The following PPP2R2B variants were observed in gnomAD, a reference collection of about 807,000 sequenced individuals.
The protein encoded by PPP2R2B is protein phosphatase 2 regulatory subunit Bbeta.
Under a neutral mutation model 46.0 loss-of-function variants are expected in PPP2R2B, and 5 were observed. The ratio of observed to expected loss-of-function variants is 0.11; its 90% confidence interval spans 0.06 to 0.23. The LOEUF (loss-of-function observed/expected upper bound fraction) is 0.23. Among genes scored for constraint, PPP2R2B ranks in the 10% least tolerant of loss-of-function variants. PPP2R2B has a pLI of 1.00. For synonymous variants in PPP2R2B, 215 were observed against 206.7 expected, an observed-to-expected ratio of 1.04 and a Z score of -0.34; for missense variants, 367 against 575.0, an observed-to-expected ratio of 0.64 and a Z score of 3.70.
Position 146,776,547 on chromosome 5 carries a change from T to C in PPP2R2B, c.71-75405A>G, listed in dbSNP as rs1755193617. 5.3e-5 allele frequency among the ~76,000 whole-genome samples: 8 copies of C among 152,222 alleles called. No homozygotes were observed. In the South Asian group the frequency reaches 1.7e-3, roughly 32 times the overall value. On this transcript the variant is annotated intron_variant, in intron 2 of 9. Coordinates refer to ENST00000394411, the MANE Select transcript of PPP2R2B (RefSeq NM_181675.4). Reference sequence around the variant, plus strand: ...TTTAAGAGCTGAAACTATAAAACTGTTGCAAGAAAATATAATGGCAAATGT... The same window carrying C: ...TTTAAGAGCTGAAACTATAAAACTGCTGCAAGAAAATATAATGGCAAATGT...
At chr5:147,001,489 A>G (rs532864740) in intron 1 of PPP2R2B, among the ~76,000 whole-genome samples, 2 of 152,240 alleles carry the variant, frequency 1.3e-5, no homozygotes, top group South Asian at 4.2e-4. Context: ...CACCAGAAGG[A>G]AGAAACTCTG....
intron 1 of PPP2R2B, among the ~76,000 whole-genome samples, chr5:147,007,708 T>C (rs577884189): frequency 1.3e-5 from 2 of 152,294 alleles, no homozygotes; most frequent in South Asian, 2.1e-4. Flanking sequence ...AGCAAGATGA[T>C]GAACCCACCA....
At chr5:146,592,083 CT>C in intron 9 of PPP2R2B, 2 of 437,016 alleles carry the variant, frequency 4.6e-6, no homozygotes, top group Admixed American at 2.5e-5. Flanking sequence ...GGGCTGGCTT[CT>C]TTTTCCCATG....
At chr5:146,803,307 T>C (rs2151307918) in intron 2 of PPP2R2B, among the ~76,000 whole-genome samples, 1 of 152,266 alleles carries the variant, frequency 6.6e-6, no homozygotes, top group South Asian at 2.1e-4. Context: ...CCCCAGCAAA[T>C]GCCTCATGTC....
intron 5 of PPP2R2B, among the ~76,000 whole-genome samples, chr5:146,658,384 A>G (rs912895440): frequency 6.6e-6 from 1 of 152,228 alleles, no homozygotes; most frequent in East Asian, 1.9e-4. Flanking sequence ...AACAGCCTTC[A>G]TGACTTTTTA....
chr5:146,945,868 A>G (rs1325786784), intron 1 of PPP2R2B, among the ~76,000 whole-genome samples: 4 of 152,160 alleles, frequency 2.6e-5, no homozygotes, highest in Non-Finnish European at 5.9e-5. Flanking sequence ...CACGTGTCAG[A>G]TCTTTCTAAT....
Position 147,000,657 on chromosome 5 carries a change from G to GT in PPP2R2B, c.79+55007_79+55008insA, listed in dbSNP as rs531085315. Among the ~76,000 whole-genome samples, 160 of 79,908 alleles carry GT rather than the reference G, an allele frequency of 2.0e-3. 2 individuals carry two copies. In the East Asian group the frequency reaches 0.06, roughly 30 times the overall value. 52.4% of individuals were successfully genotyped at this position (79,908 alleles called of 152,430 possible). A position where few individuals can be genotyped will look rare whatever the true frequency, so the allele number is the denominator to read the frequency against. On this transcript the variant is annotated intron_variant, in intron 1 of 8. Transcript: ENST00000336640. ...TTAGGTTGGTGCAAAAGTAATTGTG[G>GT]ATTTGCCATTTTTAATGGCAAAAAC...
At chr5:146,791,708 A>C (rs894395723) in intron 2 of PPP2R2B, among the ~76,000 whole-genome samples, 4 of 152,180 alleles carry the variant, frequency 2.6e-5, no homozygotes, top group African/African-American at 9.6e-5. Context: ...GTTCTTCCAT[A>C]TGTTATTTTG....
At chr5:146,716,990 T>G (rs1483000562) in intron 2 of PPP2R2B, among the ~76,000 whole-genome samples, 1 of 152,238 alleles carries the variant, frequency 6.6e-6, no homozygotes, top group Non-Finnish European at 1.5e-5. Context: ...ATTCTGTGCA[T>G]AGCAAACATG....
intron 2 of PPP2R2B, chr5:146,706,378 C>T (rs1779853346): frequency 2.9e-6 from 2 of 683,350 alleles, no homozygotes; most frequent in East Asian, 8.3e-5. Context: ...CCCCATAGGC[C>T]AAGCTCACAC....
intron 2 of PPP2R2B, among the ~76,000 whole-genome samples, chr5:147,072,140 G>A (rs1757620095): frequency 6.6e-6 from 1 of 152,128 alleles, no homozygotes; most frequent in Non-Finnish European, 1.5e-5. Flanking sequence ...ATCTCTAGCT[G>A]CCTTAATCTC....
intron 2 of PPP2R2B, among the ~76,000 whole-genome samples, chr5:147,068,930 C>T (rs1170527885): frequency 1.3e-5 from 2 of 152,080 alleles, no homozygotes; most frequent in Non-Finnish European, 2.9e-5. Context: ...TGCTTTAAAT[C>T]GTAATCAGAA....
chr5:146,783,528 T>C (rs115478574), intron 2 of PPP2R2B, among the ~76,000 whole-genome samples: 1,875 of 152,332 alleles, frequency 0.012, 38 homozygotes, highest in African/African-American at 0.043. Flanking sequence ...GCTTTTTCCA[T>C]TTTCCAAAGT....
rs185654204 is a variant in PPP2R2B at position 146,706,281 on chromosome 5, T to A, written c.71-5139A>T. ...ATCTTCTTCACAACCATGGCCCTGG[T>A]GGAGCTGGTGCGGCTGAAGGAGCTG... is the stretch of plus-strand genomic sequence containing the variant. On this transcript the variant is annotated intron_variant, in intron 2 of 9. Transcript: ENST00000394411. The A allele has an allele frequency of 2.4e-3, 1,198 of 506,850 alleles. 17 individuals carry two copies. The highest frequency in any genetic ancestry group is 0.015 in the East Asian group (317 of 21,086). The allele number at this position is 506,850 out of a possible 1,614,324, so 31.4% of individuals were successfully genotyped here.
intron 2 of PPP2R2B, among the ~76,000 whole-genome samples, chr5:146,774,151 C>A (rs1367478409): frequency 3.9e-5 from 6 of 152,144 alleles, no homozygotes; most frequent in Non-Finnish European, 8.8e-5. Flanking sequence ...AATGACTTAA[C>A]TGCTTTGTGT....
chr5:146,838,166 A>G (rs984728052), intron 2 of PPP2R2B, among the ~76,000 whole-genome samples: 2 of 152,224 alleles, frequency 1.3e-5, no homozygotes, highest in Admixed American at 6.5e-5. Flanking sequence ...GTATTTGCAT[A>G]TAGTCTCTAA....
chr5:146,949,264 A>ACC (rs1764581020), intron 1 of PPP2R2B, among the ~76,000 whole-genome samples: 1 of 152,114 alleles, frequency 6.6e-6, no homozygotes, highest in Non-Finnish European at 1.5e-5. Context: ...ACATGAGATT[A>ACC]ATAACCAGAA....
upstream of PPP2R2B, chr5:146,878,843 T>A (rs948976373): frequency 1.6e-6 from 2 of 1,222,304 alleles, no homozygotes; most frequent in Non-Finnish European, 2.1e-6. The surrounding 1 kb of genome is among the most constrained non-coding windows in gnomAD (Gnocchi z 4.5). Flanking sequence ...CCAGCAGCAG[T>A]GGTGGCCGAG....
chr5:146,983,234 G>T (rs1753261320), intron 1 of PPP2R2B, among the ~76,000 whole-genome samples: 1 of 131,502 alleles, frequency 7.6e-6, no homozygotes, highest in Non-Finnish European at 1.5e-5. Flanking sequence ...AGGCTGGAGT[G>T]CAGTGGCACA....
Sources: gnomAD v4.1 joint callset for allele counts (sites outside exome capture counted in the v4.1 genomes callset) on GRCh38, gnomAD v4.1.1 for gene constraint, Gnocchi (gnomAD v3.1) non-coding constraint, MANE v1.5 for transcripts, NCBI Gene and HGNC (gene_info 2026-07-23, HGNC 2026-07-21) for gene names.